The following TUBD1 variants were observed in gnomAD, a reference collection of about 807,000 sequenced individuals.
TUBD1 encodes the protein tubulin delta chain.
Under a neutral mutation model 51.2 loss-of-function variants are expected in TUBD1, and 38 were observed. That is an observed-to-expected ratio of 0.74 (90% CI 0.57 to 0.97). The LOEUF (loss-of-function observed/expected upper bound fraction) is 0.97. Ranked by LOEUF, TUBD1 falls within the 50% of genes least tolerant of loss-of-function variation. TUBD1 has a pLI of 0.00. For missense variants in TUBD1, 489 were observed against 538.4 expected (o/e 0.91, Z 0.91); for synonymous variants, 169 against 178.2 (o/e 0.95, Z 0.41).
At chr17:59,892,039 G>A (rs2041102212) in intron 1 of TUBD1, 1 of 151,968 alleles carries the variant, frequency 6.6e-6, no homozygotes, top group Admixed American at 6.6e-5. Context: ...GAAATTAGTA[G>A]TACCACCCTT....
chr17:59,860,261 T>C lies in TUBD1; in HGVS notation c.*61A>G, dbSNP rs1402460925. On this transcript the variant is annotated 3_prime_UTR_variant, in exon 9 of 9. Coordinates refer to ENST00000325752, the MANE Select transcript of TUBD1 (RefSeq NM_016261.4). The stretch of plus-strand genomic sequence containing the variant: ...AACTTTGAAAACTTTACAGAGAAAA[T>C]AGTATTGAAAATATTTTAGTCCAGA... 8 of 1,175,668 alleles carry C rather than the reference T, an allele frequency of 6.8e-6. No homozygotes were observed. The highest frequency in any genetic ancestry group is 1.0e-5 in the Non-Finnish European group (8 of 799,992). 72.8% of individuals were successfully genotyped at this position (1,175,668 alleles called of 1,614,324 possible). A position where few individuals can be genotyped will look rare whatever the true frequency, so the allele number is the denominator to read the frequency against.
chr17:59,861,000 A>C (rs1261816309), intron 8 of TUBD1, among the ~76,000 whole-genome samples: 1 of 151,984 alleles, frequency 6.6e-6, no homozygotes, highest in Non-Finnish European at 1.5e-5. Context: ...TACTCAGTAT[A>C]TATATATATA....
chr17:59,873,131 G>T (rs2040071804), intron 6 of TUBD1, among the ~76,000 whole-genome samples: 2 of 152,242 alleles, frequency 1.3e-5, no homozygotes, highest in South Asian at 4.1e-4. Flanking sequence ...AACTATGGAG[G>T]CAAATTGTAG....
chr17:59,881,816 C>T (rs930309713), intron 3 of TUBD1, among the ~76,000 whole-genome samples: 2 of 151,830 alleles, frequency 1.3e-5, no homozygotes, highest in Admixed American at 1.3e-4. Context: ...ATTACAGATG[C>T]CCGAACCACA....
chr17:59,877,975 G>T, intron 5 of TUBD1, 128 bp downstream of exon 5: 1 of 732,588 alleles, frequency 1.4e-6, no homozygotes, highest in African/African-American at 1.8e-5. Flanking sequence ...TAGCAGATGT[G>T]AAGAAAGGGT....
At chr17:59,887,036 A>G (rs2040768276) in intron 2 of TUBD1, among the ~76,000 whole-genome samples, 1 of 149,570 alleles carries the variant, frequency 6.7e-6, no homozygotes, top group Non-Finnish European at 1.5e-5. Flanking sequence ...AATACAAAAA[A>G]TTAGCTGGGC....
chr17:59,863,065 T>C (rs557541789), intron 8 of TUBD1, among the ~76,000 whole-genome samples: 1 of 152,252 alleles, frequency 6.6e-6, no homozygotes, highest in East Asian at 1.9e-4. Flanking sequence ...CCCTGCTTCA[T>C]AATAAAATTC....
intron 7 of TUBD1, among the ~76,000 whole-genome samples, chr17:59,864,277 C>T (rs1284981667): frequency 6.6e-6 from 1 of 151,676 alleles, no homozygotes; most frequent in African/African-American, 2.4e-5. Flanking sequence ...TCCTGAGTAG[C>T]TGGGATTACA....
chr17:59,880,097 C>T (rs913826326), intron 4 of TUBD1, among the ~76,000 whole-genome samples: 7 of 150,122 alleles, frequency 4.7e-5, no homozygotes, highest in Non-Finnish European at 7.4e-5. Context: ...CTCGCTCTGT[C>T]GCCAGGCTGG....
In TUBD1 at chr17:59,863,788, C is replaced by T. The variant is rs778688627; in HGVS notation, c.1135G>A (p.Val379Met). ...CTAAAGGCCCGCTGGGTTTTCCACA[C>T]GTTGAAAGCATTAACAGGCTTCAAC... The part of the protein sequence containing the change: ...SWLKPVNAFN[V>M]WKTQRAFSKY... The change falls in exon 8 of 9, where the codon GTG (valine) becomes ATG (methionine). Residue 379 changes from valine (V) to methionine (M), a missense_variant. By Grantham distance (21) the Val-to-Met change is conservative. Transcript: ENST00000325752. The T allele has an allele frequency of 9.3e-6, 15 of 1,609,288 alleles. No homozygotes were observed. The highest frequency in any genetic ancestry group is 6.7e-5 in the East Asian group (3 of 44,664).
chr17:59,884,758 T>TA (rs1484020526), intron 3 of TUBD1: 1 of 152,828 alleles, frequency 6.5e-6, no homozygotes, highest in Non-Finnish European at 1.5e-5. Context: ...TTGTCTCTAC[T>TA]AAAAAAATAC....
chr17:59,874,794 G>T, intron 5 of TUBD1, 91 bp from the exon 6 acceptor site: 1 of 1,066,622 alleles, frequency 9.4e-7, no homozygotes, highest in Non-Finnish European at 1.4e-6. Context: ...GGTTTTCTGG[G>T]CCAAATGTTT....
chr17:59,863,676 A>G lies in TUBD1; in HGVS notation c.1247T>C (p.Met416Thr), dbSNP rs771474142. The change falls in exon 8 of 9, where the codon ATG (methionine) becomes ACG (threonine). Residue 416 changes from methionine (M) to threonine (T), a missense_variant. By Grantham distance (81) the Met-to-Thr change is moderately conservative (BLOSUM62 -1). Coordinates refer to ENST00000325752, the MANE Select transcript of TUBD1 (RefSeq NM_016261.4). Reference protein sequence around the residue: ...LDMIVGKAWNMFASKAYIHQY... With the variant: ...LDMIVGKAWNTFASKAYIHQY... Reference sequence around the variant, plus strand: ...ATTTTATACTTACTTTGAAGCAAACATATTCCATGCCTTCCCAACAATCAT... The same window carrying G: ...ATTTTATACTTACTTTGAAGCAAACGTATTCCATGCCTTCCCAACAATCAT... 2.5e-6 allele frequency: 4 copies of G among 1,570,124 alleles called. No individual in the cohort carries two copies. The East Asian group carries it at 9.2e-5, about 36-fold the overall frequency.
chr17:59,885,323 G>A, intron 3 of TUBD1: 2 of 642,380 alleles, frequency 3.1e-6, no homozygotes, highest in South Asian at 1.6e-5. Context: ...CCGATGCACT[G>A]GCAGCTAGAC....
At chr17:59,864,888 T>C (rs1010097472) in intron 7 of TUBD1, among the ~76,000 whole-genome samples, 9 of 151,862 alleles carry the variant, frequency 5.9e-5, no homozygotes, top group Admixed American at 5.9e-4. Context: ...GATCTCACTC[T>C]TGTCGCCCAG....
intron 6 of TUBD1, among the ~76,000 whole-genome samples, chr17:59,869,260 G>C (rs1251601621): frequency 5.3e-5 from 8 of 151,672 alleles, no homozygotes; most frequent in Admixed American, 4.0e-4. Flanking sequence ...CAAATCACAA[G>C]GTCAGGAGTT....
chr17:59,862,365 C>G (rs1227757829), intron 8 of TUBD1, among the ~76,000 whole-genome samples: 3 of 151,744 alleles, frequency 2.0e-5, no homozygotes, highest in Non-Finnish European at 4.4e-5. Context: ...CTTGTCCACT[C>G]ATTTGAAGAA....
intron 6 of TUBD1, among the ~76,000 whole-genome samples, chr17:59,872,959 C>T (rs553697568): frequency 9.1e-4 from 138 of 151,962 alleles, no homozygotes; most frequent in Middle Eastern, 6.8e-3. Context: ...GAAGGGGTTT[C>T]GCCATGTTGC....
chr17:59,884,677 T>C lies in TUBD1; in HGVS notation c.320+1406A>G, dbSNP rs2040637902. 6.6e-6 allele frequency: 1 copy of C among 152,110 alleles called. No individual in the cohort carries two copies. The highest frequency in any genetic ancestry group is 1.5e-5 in the Non-Finnish European group (1 of 68,404). The allele number at this position is 152,110 out of a possible 1,614,324, so 9.4% of individuals were successfully genotyped here. On this transcript the variant is annotated intron_variant, in intron 3 of 8. Coordinates refer to ENST00000325752, the MANE Select transcript of TUBD1 (RefSeq NM_016261.4). Reference sequence around the variant, plus strand: ...GGCTCATACCTGTAATCTCAGCACTTTGGGAGGCCGAGGCAGGTGGATCAC... The same window carrying C: ...GGCTCATACCTGTAATCTCAGCACTCTGGGAGGCCGAGGCAGGTGGATCAC...
Sources: gnomAD v4.1 joint callset for allele counts (sites outside exome capture counted in the v4.1 genomes callset) on GRCh38, gnomAD v4.1.1 for gene constraint, MANE v1.5 for transcripts, NCBI Gene and HGNC (gene_info 2026-07-23, HGNC 2026-07-21) for gene names.